Variants in COL28A1 observed in about 807,000 individuals in gnomAD.
The protein encoded by COL28A1 is collagen type XXVIII alpha 1 chain.
A neutral mutation model predicts 150.2 loss-of-function variants in COL28A1; 161 were observed. The observed-to-expected ratio is 1.07, with a 90% confidence interval of 0.94 to 1.22. The LOEUF (loss-of-function observed/expected upper bound fraction) is 1.22, where lower values mean the gene tolerates loss of function less well. COL28A1 is among the 50% of genes most tolerant of loss of function. The pLI is 0.00. For synonymous variants in COL28A1, 552 were observed against 469.7 expected (o/e 1.18, Z -2.26); for missense variants, 1,617 against 1,388.3 (o/e 1.16, Z -2.62).
chr7:7,444,321 G>A (rs1182882715), intron 19 of COL28A1, 97 bp downstream of exon 19: 1 of 1,537,816 alleles, frequency 6.5e-7, no homozygotes. Flanking sequence ...AAGAAACTAA[G>A]TTTGTCCTGA....
At chr7:7,390,986 G>A (rs1000392865) in intron 27 of COL28A1, among the ~76,000 whole-genome samples, 2 of 152,046 alleles carry the variant, frequency 1.3e-5, no homozygotes, top group East Asian at 3.8e-4. Context: ...CTTCAGTTCT[G>A]CTCTGATCTT....
chr7:7,533,089 G>A lies in COL28A1; in HGVS notation c.-37-177C>T, dbSNP rs533225273. Among the ~76,000 whole-genome samples, 13 of 152,120 alleles carry A rather than the reference G, an allele frequency of 8.5e-5. 1 individual carries two copies. In the South Asian group the frequency reaches 2.5e-3, roughly 29 times the overall value. ...AAAGATTTCAATCCAAATAAATCAT[G>A]GCACCATGACCAAACATTTATTAGT... is the stretch of plus-strand genomic sequence containing the variant. On this transcript the variant is annotated intron_variant, in intron 1 of 34. Transcript: ENST00000399429.
chr7:7,410,273 T>C (rs192886037), intron 27 of COL28A1, among the ~76,000 whole-genome samples: 16 of 152,300 alleles, frequency 1.1e-4, no homozygotes, highest in Non-Finnish European at 2.1e-4. Context: ...AATAAAGGTA[T>C]AGAGACGCTT....
At chr7:7,538,950 CTTT>C (rs1782736345), upstream of COL28A1, among the ~76,000 whole-genome samples, 1 of 151,184 alleles carries the variant, frequency 6.6e-6, no homozygotes, top group African/African-American at 2.4e-5. Context: ...TCCTTTCTTT[CTTT>C]CTTTTTTTCT....
chr7:7,428,796 C>G (rs1025932331), intron 25 of COL28A1, among the ~76,000 whole-genome samples: 2 of 152,224 alleles, frequency 1.3e-5, no homozygotes, highest in African/African-American at 4.8e-5. Flanking sequence ...TATCTCCTCT[C>G]TCCTTCAAAG....
chr7:7,541,123 A>C, the COL28A1 span, among the ~76,000 whole-genome samples: 1 of 152,230 alleles, frequency 6.6e-6, no homozygotes, highest in Non-Finnish European at 1.5e-5. Context: ...TGTTATATTA[A>C]GCCGTTACAA....
In COL28A1 at chr7:7,487,403, C is replaced by T. The variant is rs373073063; in HGVS notation, c.1164+1986G>A. Among the ~76,000 whole-genome samples the T allele has an allele frequency of 5.7e-4, 87 of 152,130 alleles. 1 individual carries two copies. Among genetic ancestry groups the T allele is most frequent in the South Asian group, 5.4e-3 (26 of 4,820 alleles). On this transcript the variant is annotated intron_variant, in intron 13 of 34. Coordinates refer to ENST00000399429, the MANE Select transcript of COL28A1 (RefSeq NM_001037763.3). ...GACCAGCCTGGCCAATATGGTGAAA[C>T]CCTGTCTCTACAAAAACTACAAAAA...
intron 18 of COL28A1, among the ~76,000 whole-genome samples, chr7:7,448,595 C>T (rs1786447980): frequency 6.6e-6 from 1 of 151,118 alleles, no homozygotes; most frequent in South Asian, 2.1e-4. Flanking sequence ...CATACAAACA[C>T]ATATAAAAAT....
chr7:7,392,457 G>T (rs2128294784), intron 27 of COL28A1, among the ~76,000 whole-genome samples: 1 of 152,188 alleles, frequency 6.6e-6, no homozygotes, highest in Non-Finnish European at 1.5e-5. Flanking sequence ...GTGCCTTGGG[G>T]TTGCTCTTCT....
chr7:7,355,575 A>T (rs1400233883), downstream of COL28A1, among the ~76,000 whole-genome samples: 1 of 152,144 alleles, frequency 6.6e-6, no homozygotes, highest in Non-Finnish European at 1.5e-5. Flanking sequence ...GTACCACTGC[A>T]ACACTCTGGG....
At chr7:7,370,019 G>T (rs1204855212) in intron 33 of COL28A1, among the ~76,000 whole-genome samples, 2 of 152,058 alleles carry the variant, frequency 1.3e-5, no homozygotes, top group African/African-American at 4.8e-5. Context: ...ACTAAAAAAG[G>T]CTCCCCCATT....
rs1448058741 is a variant in COL28A1 at position 7,432,689 on chromosome 7, G to A, written c.1872C>T (p.Gly624=). Residue 624 remains glycine, a synonymous_variant, in exon 24 of 35, where the codon GGC becomes GGT. Transcript: ENST00000399429. ...CTGGAGCACCCACTGGTCCCCGAGGGCCTTGGACACCCTGGGTAAATTCCA... is the reference window on the plus strand; with the variant it reads ...CTGGAGCACCCACTGGTCCCCGAGGACCTTGGACACCCTGGGTAAATTCCA... ...LSIRGPKGVQ[G]PRGPVGAPGL... 5.0e-6 allele frequency: 8 copies of A among 1,613,474 alleles called. No homozygotes were observed. The South Asian group carries it at 6.6e-5, about 13-fold the overall frequency.
At chr7:7,422,942 G>C (rs568256508) in intron 25 of COL28A1, among the ~76,000 whole-genome samples, 66 of 152,316 alleles carry the variant, frequency 4.3e-4, no homozygotes, top group African/African-American at 1.6e-3. Flanking sequence ...AGTCTACTTT[G>C]ATTAAGAGAG....
At chr7:7,486,415 T>C (rs77391890) in intron 13 of COL28A1, among the ~76,000 whole-genome samples, 5,989 of 152,294 alleles carry the variant, frequency 0.039, 438 homozygotes, top group African/African-American at 0.14. Context: ...ATTGTTTTTA[T>C]ACCAATGCCT....
At chr7:7,473,422 C>A (rs558957547) in intron 15 of COL28A1, among the ~76,000 whole-genome samples, 39 of 152,190 alleles carry the variant, frequency 2.6e-4, no homozygotes, top group African/African-American at 9.1e-4. Flanking sequence ...AAATGGCCAA[C>A]AAACATGAAA....
rs968135799 is a variant in COL28A1, at chr7:7,443,799, T to C, written c.1582-146A>G. On this transcript the variant is annotated intron_variant, in intron 19 of 34. Transcript: ENST00000399429. ...CCTTCACTCTAGTCTCAAAATCAATTTGGAAGTTTATAAACTTGAAATAAA... is the reference window on the plus strand; with the variant it reads ...CCTTCACTCTAGTCTCAAAATCAATCTGGAAGTTTATAAACTTGAAATAAA... The C allele has an allele frequency of 1.6e-5, 20 of 1,239,378 alleles. 1 individual carries two copies. Among genetic ancestry groups the C allele is most frequent in the Admixed American group, 3.4e-5 (1 of 29,068 alleles). 76.8% of individuals were successfully genotyped at this position (1,239,378 alleles called of 1,614,324 possible). A position where few individuals can be genotyped will look rare whatever the true frequency, so the allele number is the denominator to read the frequency against.
At chr7:7,353,371 T>G (rs57158642), downstream of COL28A1, among the ~76,000 whole-genome samples, 4,680 of 152,274 alleles carry the variant, frequency 0.031, 243 homozygotes, top group African/African-American at 0.11. Flanking sequence ...TTGTGTAAAA[T>G]GTAGATCTAC....
rs765583222 is a variant in COL28A1 at position 7,432,682 on chromosome 7, C to T, written c.1879G>A (p.Gly627Arg). ...RGPKGVQGPR[G>R]PVGAPGLKGD... ...TTGAGTCCTGGAGCACCCACTGGTC[C>T]CCGAGGGCCTTGGACACCCTGGGTA... Residue 627 changes from glycine (G) to arginine (R), a missense_variant, in exon 24 of 35, where the codon GGA (glycine) becomes AGA (arginine). Physicochemically the swap from Gly to Arg is moderately radical, Grantham distance 125. Transcript: ENST00000399429. 214 of 1,613,710 alleles carry T rather than the reference C, an allele frequency of 1.3e-4. 1 individual carries two copies. The highest frequency in any genetic ancestry group is 1.9e-4 in the South Asian group (17 of 91,060).
At chr7:7,513,918 A>C (rs886996138) in intron 8 of COL28A1, among the ~76,000 whole-genome samples, 2 of 152,216 alleles carry the variant, frequency 1.3e-5, no homozygotes, top group Admixed American at 6.5e-5. Flanking sequence ...TGGTTTCAGA[A>C]AGCGAGTACT....
Sources: gnomAD v4.1 joint callset for allele counts (sites outside exome capture counted in the v4.1 genomes callset) on GRCh38, gnomAD v4.1.1 for gene constraint, MANE v1.5 for transcripts, NCBI Gene and HGNC (gene_info 2026-07-23, HGNC 2026-07-21) for gene names.